Variants in FYB2 observed in about 807,000 individuals in gnomAD.
The protein encoded by FYB2 is FYN-binding protein 2.
Under a neutral mutation model 94.1 loss-of-function variants are expected in FYB2, and 103 were observed. That is an observed-to-expected ratio of 1.09 (90% CI 0.93 to 1.29). The LOEUF (loss-of-function observed/expected upper bound fraction) is 1.29, where lower values mean the gene tolerates loss of function less well. Among genes scored for constraint, FYB2 ranks in the 50% most tolerant of loss-of-function variants. The pLI is 0.00. For synonymous variants in FYB2, 293 were observed against 287.9 expected (o/e 1.02, Z -0.18); for missense variants, 896 against 841.5 (o/e 1.06, Z -0.80).
chr1:56,721,408 A>T (rs898917538), intron 17 of FYB2, among the ~76,000 whole-genome samples: 4 of 152,048 alleles, frequency 2.6e-5, no homozygotes, highest in South Asian at 2.1e-4. Flanking sequence ...TTTGGATCAT[A>T]TATTACAAGA....
upstream of FYB2, among the ~76,000 whole-genome samples, chr1:56,820,100 G>A (rs2101137170): frequency 6.6e-6 from 1 of 152,078 alleles, no homozygotes; most frequent in Non-Finnish European, 1.5e-5. Flanking sequence ...GTGTGGTAGT[G>A]GGTGCCTGTA....
At chr1:56,773,041 T>C (rs951920649) in intron 4 of FYB2, among the ~76,000 whole-genome samples, 7 of 152,216 alleles carry the variant, frequency 4.6e-5, no homozygotes, top group African/African-American at 1.7e-4. Flanking sequence ...ACATTATCTA[T>C]GTTCAAGAAG....
intron 16 of FYB2, among the ~76,000 whole-genome samples, chr1:56,725,714 G>A (rs1258377429): frequency 2.0e-5 from 3 of 151,984 alleles, no homozygotes; most frequent in African/African-American, 4.8e-5. Flanking sequence ...ATAAACTTAC[G>A]AGAAGGGCCA....
chr1:56,815,683 G>C (rs2101108758), intron 1 of FYB2, among the ~76,000 whole-genome samples: 1 of 152,252 alleles, frequency 6.6e-6, no homozygotes, highest in South Asian at 2.1e-4. Context: ...AGACTGGTTG[G>C]TATTTGAGAA....
chr1:56,719,942 C>T, intron 19 of FYB2, 80 bp downstream of exon 19: 1 of 1,372,072 alleles, frequency 7.3e-7, no homozygotes, highest in South Asian at 1.4e-5. Flanking sequence ...TCAATAAATT[C>T]AGTAGTCTTC....
chr1:56,796,862 A>G (rs1422213543), intron 1 of FYB2, among the ~76,000 whole-genome samples: 1 of 152,150 alleles, frequency 6.6e-6, no homozygotes, highest in Admixed American at 6.5e-5. Context: ...GCTCGTTCAA[A>G]ATTTAACTCG....
At chr1:56,749,879 C>T (rs981851191) in intron 9 of FYB2, among the ~76,000 whole-genome samples, 11 of 152,114 alleles carry the variant, frequency 7.2e-5, no homozygotes, top group African/African-American at 2.6e-4. Context: ...CCTGTGGGTG[C>T]TTTTCTTTAT....
At chr1:56,762,475 C>A (rs2100776010) in intron 5 of FYB2, among the ~76,000 whole-genome samples, 1 of 152,184 alleles carries the variant, frequency 6.6e-6, no homozygotes, top group African/African-American at 2.4e-5. Context: ...AAACACATAT[C>A]TATTTTTAAG....
intron 4 of FYB2, among the ~76,000 whole-genome samples, chr1:56,768,814 T>C (rs1329668412): frequency 3.3e-5 from 5 of 152,072 alleles, no homozygotes; most frequent in Non-Finnish European, 7.4e-5. Flanking sequence ...AACATGAACG[T>C]TAATTTAAAA....
At chr1:56,736,985 A>G (rs911713227) in intron 15 of FYB2, 102 bp downstream of exon 15, 20 of 889,554 alleles carry the variant, frequency 2.2e-5, no homozygotes, top group East Asian at 5.3e-5. Flanking sequence ...TTTTCATTCA[A>G]TCTCCAAGGA....
chr1:56,775,118 A>T (rs889440298), intron 4 of FYB2, among the ~76,000 whole-genome samples: 15 of 151,914 alleles, frequency 9.9e-5, no homozygotes, highest in African/African-American at 3.6e-4. Context: ...GTGAGTCAAT[A>T]CTCCTTAATA....
At chr1:56,786,425 C>G (rs1270244481) in intron 4 of FYB2, among the ~76,000 whole-genome samples, 1 of 152,340 alleles carries the variant, frequency 6.6e-6, no homozygotes, top group South Asian at 2.1e-4. Flanking sequence ...ACTTAACACA[C>G]TTTACCATTG....
At chr1:56,789,976 G>C (rs919798495) in intron 2 of FYB2, among the ~76,000 whole-genome samples, 4 of 152,122 alleles carry the variant, frequency 2.6e-5, no homozygotes, top group African/African-American at 4.8e-5. Flanking sequence ...CCTGTGTCCT[G>C]GAATTTTCCA....
chr1:56,755,867 G>A (rs770583743), intron 7 of FYB2, 29 bp downstream of exon 7: 8 of 1,582,828 alleles, frequency 5.1e-6, no homozygotes, highest in East Asian at 2.2e-5. Context: ...GCTTGGACAG[G>A]TGCTTTTCTT....
rs1293394860 is a variant in FYB2, at chr1:56,757,687, C to CTTCCTTCTTTCT, written c.1098+1028_1098+1029insAGAAAGAAGGAA. On this transcript the variant is annotated intron_variant, in intron 6 of 19. Coordinates refer to ENST00000343433, the MANE Select transcript of FYB2 (RefSeq NM_001004303.5). ...TCTTTCTTTCCTCTTTCCTTCCTTC[C>CTTCCTTCTTTCT]TTCTTTCTTTCTTTCTTTCTTTCTT... Among the ~76,000 whole-genome samples, 90 of 71,868 alleles carry CTTCCTTCTTTCT rather than the reference C, an allele frequency of 1.3e-3. 1 individual carries two copies. The highest frequency in any genetic ancestry group is 6.8e-3 in the Middle Eastern group (1 of 148). The allele number at this position is 71,868 out of a possible 152,430, so 47.1% of individuals were successfully genotyped here.
chr1:56,762,472 T>C (rs1645520323), intron 5 of FYB2, among the ~76,000 whole-genome samples: 1 of 152,226 alleles, frequency 6.6e-6, no homozygotes, highest in South Asian at 2.1e-4. Flanking sequence ...TATAAACACA[T>C]ATCTATTTTT....
intron 4 of FYB2, among the ~76,000 whole-genome samples, chr1:56,776,856 C>T (rs1645889073): frequency 6.6e-6 from 1 of 152,172 alleles, no homozygotes; most frequent in African/African-American, 2.4e-5. Flanking sequence ...CGGAATTCCA[C>T]TTTGCTGAAT....
chr1:56,819,235 A>G (rs534296429), intron 1 of FYB2, 47 bp downstream of exon 1: 3 of 1,614,038 alleles, frequency 1.9e-6, no homozygotes, highest in African/African-American at 2.7e-5. Flanking sequence ...CTTGTCCTGC[A>G]AGAAAAGACA....
upstream of FYB2, among the ~76,000 whole-genome samples, chr1:56,820,631 C>T (rs1045377146): frequency 2.0e-5 from 3 of 152,240 alleles, no homozygotes; most frequent in Non-Finnish European, 4.4e-5. Context: ...ATTCCCAAAC[C>T]TGGCTGATCA....
Sources: gnomAD v4.1 joint callset for allele counts (sites outside exome capture counted in the v4.1 genomes callset) on GRCh38, gnomAD v4.1.1 for gene constraint, MANE v1.5 for transcripts, NCBI Gene and HGNC (gene_info 2026-07-23, HGNC 2026-07-21) for gene names.